Variants in KIAA1614 observed in about 807,000 individuals in gnomAD.
The protein encoded by KIAA1614 is KIAA1614, also known as uncharacterized protein KIAA1614.
A neutral mutation model predicts 88.7 loss-of-function variants in KIAA1614; 76 were observed. That is an observed-to-expected ratio of 0.86 (90% confidence interval 0.71 to 1.04). KIAA1614 has a LOEUF of 1.04. KIAA1614 is among the 50% of genes least tolerant of loss of function. The probability of loss-of-function intolerance (pLI) is 0.00; values close to 1 mark genes in which losing one functional copy is unlikely to be tolerated. For synonymous variants in KIAA1614, 714 were observed against 675.5 expected, an observed-to-expected ratio of 1.06 and a Z score of -0.88; for missense variants, 1,553 against 1,582.5, an observed-to-expected ratio of 0.98 and a Z score of 0.32.
chr1:180,936,578 A>AGGAGCCCTAC lies in KIAA1614; in HGVS notation c.2672_2681dup (p.Gly895AlafsTer10), dbSNP rs1654340386. 2 of 1,613,132 alleles carry AGGAGCCCTAC rather than the reference A, an allele frequency of 1.2e-6. No homozygotes were observed. Among genetic ancestry groups the AGGAGCCCTAC allele is most frequent in the Non-Finnish European group, 1.7e-6 (2 of 1,179,922 alleles). On this transcript the variant is annotated frameshift_variant, in exon 5 of 9. Coordinates refer to ENST00000367588, the MANE Select transcript of KIAA1614 (RefSeq NM_020950.2). LOFTEE classifies it high-confidence loss of function. ...AACAACAGCGCACCTCGGGGGCTGC[A>AGGAGCCCTAC]GGAGCCCTACGGGGGAGCCGTCCAC...
intron 4 of KIAA1614, among the ~76,000 whole-genome samples, chr1:180,929,719 C>T (rs571037495): frequency 1.6e-4 from 25 of 152,362 alleles, no homozygotes; most frequent in Admixed American, 1.5e-3. Context: ...CAGTCATGCA[C>T]CTGGGCCTGA....
chr1:180,944,188 C>T (rs1437797280), intron 7 of KIAA1614: 2 of 433,154 alleles, frequency 4.6e-6, no homozygotes, highest in African/African-American at 4.0e-5. Flanking sequence ...CAAAAACTCC[C>T]TTGACTCCTC....
intron 3 of KIAA1614, among the ~76,000 whole-genome samples, chr1:180,922,157 C>A (rs1456721997): frequency 2.0e-5 from 3 of 152,256 alleles, no homozygotes; most frequent in African/African-American, 7.2e-5. Context: ...AAATCAGGAC[C>A]TTCTCTGTAT....
Position 180,935,997 on chromosome 1 carries a change from G to T in KIAA1614, c.2088G>T (p.Thr696=), listed in dbSNP as rs376112299. The T allele has an allele frequency of 6.2e-7, 1 of 1,614,100 alleles. No homozygotes were observed. Among genetic ancestry groups the T allele is most frequent in the Admixed American group, 1.7e-5 (1 of 60,036 alleles). ...ENEVKEGRGH[T]PEGTLFLRED... is the part of the protein sequence containing the mutation. ...AGGTGAAAGAGGGCAGAGGACACAC[G>T]CCTGAAGGAACTCTATTTTTGAGAG... The change falls in exon 5 of 9, where the codon ACG becomes ACT. Residue 696 remains threonine (T), a synonymous_variant. Transcript: ENST00000367588. The surrounding 1 kb of genome is among the most constrained non-coding windows in gnomAD (Gnocchi z 6.1).
intron 4 of KIAA1614, among the ~76,000 whole-genome samples, chr1:180,934,523 G>T (rs551365320): frequency 1.3e-5 from 2 of 151,964 alleles, no homozygotes; most frequent in African/African-American, 4.8e-5. Context: ...CCCAGAGATC[G>T]AGGCTGTAGT....
At chr1:180,943,773 C>A (rs1654524212) in intron 7 of KIAA1614, among the ~76,000 whole-genome samples, 1 of 151,800 alleles carries the variant, frequency 6.6e-6, no homozygotes, top group Non-Finnish European at 1.5e-5. Flanking sequence ...GTCTTGAACT[C>A]CTGACCTCAG....
chr1:180,920,099 C>T (rs2102257489), intron 3 of KIAA1614, among the ~76,000 whole-genome samples: 1 of 152,310 alleles, frequency 6.6e-6, no homozygotes, highest in South Asian at 2.1e-4. Context: ...CAGTGAGGTC[C>T]CTGCTGAGTA....
chr1:180,940,338 T>G (rs1654427689), intron 6 of KIAA1614, among the ~76,000 whole-genome samples: 2 of 152,108 alleles, frequency 1.3e-5, no homozygotes, highest in Admixed American at 1.3e-4. Context: ...CTGTCTGTAC[T>G]AAAAATACAA....
At chr1:180,925,004 T>G (rs767557223) in intron 3 of KIAA1614, among the ~76,000 whole-genome samples, 2 of 152,128 alleles carry the variant, frequency 1.3e-5, no homozygotes, top group Non-Finnish European at 2.9e-5. Flanking sequence ...TGAGCCCTTA[T>G]TTAGCAGATA....
At chr1:180,917,164 G>T in intron 2 of KIAA1614, 64 bp downstream of exon 2, 1 of 1,283,284 alleles carries the variant, frequency 7.8e-7, no homozygotes, top group South Asian at 1.4e-5. Flanking sequence ...GGGAGGAAAA[G>T]GGGACGAGGG....
In KIAA1614 at chr1:180,928,667, GC is replaced by G. The variant is rs1338882169; in HGVS notation, c.1205+95del. On this transcript the variant is annotated intron_variant, in intron 4 of 8. Coordinates refer to ENST00000367588, the MANE Select transcript of KIAA1614 (RefSeq NM_020950.2). ...TGGGATCTAGCCAAATGCTGCTGCT[GC>G]TCGCTCCATGTGTGTGTGTGTCTGT... is the stretch of plus-strand genomic sequence containing the variant. 594 of 863,332 alleles carry G rather than the reference GC, an allele frequency of 6.9e-4. No individual in the cohort carries two copies. In the African/African-American group the frequency reaches 8.9e-3, roughly 13 times the overall value. 53.5% of individuals were successfully genotyped at this position (863,332 alleles called of 1,614,324 possible).
At position 180,935,052 on chromosome 1, in the gene KIAA1614, G is replaced by C. The variant is rs1220081634; in HGVS notation, c.1206-63G>C. On this transcript the variant is annotated intron_variant, in intron 4 of 8. Coordinates refer to ENST00000367588, the MANE Select transcript of KIAA1614 (RefSeq NM_020950.2). This position sits in a 1 kb window ranked among gnomAD's most constrained non-coding sequence, Gnocchi z 6.1. ...AGCCCAGGGTGGAGAGGGTAGGGCC[G>C]ATGCGTGTCCATACCTCCCCAGGTT... The C allele has an allele frequency of 8.5e-7, 1 of 1,179,840 alleles. No individual in the cohort carries two copies. Among genetic ancestry groups the C allele is most frequent in the Non-Finnish European group, 1.1e-6 (1 of 902,634 alleles). 73.1% of individuals were successfully genotyped at this position (1,179,840 alleles called of 1,614,324 possible).
At chr1:180,917,228 T>A (rs1356197393) in intron 2 of KIAA1614, 128 bp downstream of exon 2, 3 of 681,662 alleles carry the variant, frequency 4.4e-6, no homozygotes, top group Non-Finnish European at 2.5e-6. Flanking sequence ...CAGTTGCCTG[T>A]CATCAAAATC....
intron 1 of KIAA1614, 118 bp downstream of exon 1, chr1:180,913,411 G>A (rs899772634): frequency 5.2e-6 from 3 of 579,748 alleles, no homozygotes; most frequent in Non-Finnish European, 7.6e-6. Context: ...CACGGGCTCG[G>A]AGCTGGAAGG....
chr1:180,918,765 CAGTT>C (rs771238357), intron 3 of KIAA1614, among the ~76,000 whole-genome samples: 63 of 152,222 alleles, frequency 4.1e-4, no homozygotes, highest in Non-Finnish European at 6.0e-4. Context: ...AAATCCCACT[CAGTT>C]AGAACCACCT....
chr1:180,945,434 C>T lies in KIAA1614; in HGVS notation c.3419C>T (p.Pro1140Leu), dbSNP rs762369374. 2 of 1,611,610 alleles carry T rather than the reference C, an allele frequency of 1.2e-6. No homozygotes were observed. The highest frequency in any genetic ancestry group is 1.1e-5 in the South Asian group (1 of 90,844). Residue 1140 changes from proline (P) to leucine (L), a missense_variant, in exon 9 of 9, where the codon CCA becomes CTA. By Grantham distance (98) the Pro-to-Leu change is moderately conservative. Coordinates refer to ENST00000367588, the MANE Select transcript of KIAA1614 (RefSeq NM_020950.2). ...GTSQLQLQRS[P>L]GGTFGFCVAS... ...AGCCAGCTGCAGCTGCAGCGCTCCC[C>T]AGGGGGCACTTTCGGCTTCTGCGTG...
rs1571303744 is a variant in KIAA1614 at position 180,945,392 on chromosome 1, T to G, written c.3377T>G (p.Val1126Gly). The change falls in exon 9 of 9, where the codon GTG becomes GGG. Residue 1126 changes from valine to glycine, a missense_variant. Physicochemically the swap from Val to Gly is moderately radical, Grantham distance 109. Coordinates refer to ENST00000367588, the MANE Select transcript of KIAA1614 (RefSeq NM_020950.2). ...CGCACCGTGGGCCGCCTGGTGGAGGTGTTCCCAGACGGCACCAGCCAGCTG... is the reference window on the plus strand; with the variant it reads ...CGCACCGTGGGCCGCCTGGTGGAGGGGTTCCCAGACGGCACCAGCCAGCTG... ...LARTVGRLVE[V>G]FPDGTSQLQL... 6.2e-7 allele frequency: 1 copy of G among 1,600,464 alleles called. No individual in the cohort carries two copies. The highest frequency in any genetic ancestry group is 8.5e-7 in the Non-Finnish European group (1 of 1,175,564).
At chr1:180,920,781 A>G (rs937155654) in intron 3 of KIAA1614, among the ~76,000 whole-genome samples, 3 of 152,104 alleles carry the variant, frequency 2.0e-5, no homozygotes, top group African/African-American at 4.8e-5. Flanking sequence ...CTGGGAGGCA[A>G]CGACCCAGGA....
intron 6 of KIAA1614, 103 bp downstream of exon 6, chr1:180,938,814 C>G: frequency 1.9e-6 from 2 of 1,055,686 alleles, no homozygotes; most frequent in Admixed American, 4.8e-5. Flanking sequence ...CACCTCCCTG[C>G]CCCTAGTCTT....
Sources: allele counts gnomAD v4.1 joint callset (sites outside exome capture counted in the v4.1 genomes callset), GRCh38; gene constraint gnomAD v4.1.1; non-coding constraint Gnocchi (gnomAD v3.1); transcripts MANE v1.5; gene names NCBI Gene and HGNC (gene_info 2026-07-23, HGNC 2026-07-21).